The following RORA variants were observed in gnomAD, a reference collection of about 807,000 sequenced individuals.
The protein encoded by RORA is RAR related orphan receptor A.
Under a neutral mutation model 69.5 loss-of-function variants are expected in RORA, and 7 were observed. The ratio of observed to expected loss-of-function variants is 0.10; its 90% CI spans 0.06 to 0.19. The LOEUF (loss-of-function observed/expected upper bound fraction) is 0.19, where lower values mean the gene tolerates loss of function less well. RORA is among the 10% of genes least tolerant of loss of function. RORA has a pLI of 1.00. For synonymous variants in RORA, 261 were observed against 240.8 expected (o/e 1.08, Z -0.78); for missense variants, 457 against 663.0 (o/e 0.69, Z 3.41).
At chr15:60,675,230 G>A (rs902617840) in intron 2 of RORA, among the ~76,000 whole-genome samples, 5 of 152,186 alleles carry the variant, frequency 3.3e-5, no homozygotes, top group Admixed American at 6.5e-5. Flanking sequence ...AGCTGATTCC[G>A]AAAATGATAC....
At chr15:61,228,226 G>T (rs1275102097) in intron 1 of RORA, among the ~76,000 whole-genome samples, 1 of 152,120 alleles carries the variant, frequency 6.6e-6, no homozygotes, top group African/African-American at 2.4e-5. Context: ...TTTTGTAGAC[G>T]CTCCCTCCGG....
At chr15:60,725,575 C>A (rs1377462305) in intron 1 of RORA, among the ~76,000 whole-genome samples, 1 of 152,142 alleles carries the variant, frequency 6.6e-6, no homozygotes, top group South Asian at 2.1e-4. Flanking sequence ...TACAAACAAT[C>A]CAATTATAAT....
rs547477111 is a variant in RORA at position 60,657,345 on chromosome 15, C to A, written c.196+21312G>T. Among the ~76,000 whole-genome samples, 3 of 152,276 alleles carry A rather than the reference C, an allele frequency of 2.0e-5. No homozygotes were observed. In the South Asian group the frequency reaches 6.2e-4, roughly 32 times the overall value. ...ATGCCAATACCCCCCTGCCCCACCC[C>A]CTGGGGAAGCAGGCCCTCTCCATGA... is the stretch of plus-strand genomic sequence containing the variant. On this transcript the variant is annotated intron_variant, in intron 2 of 10. Coordinates refer to ENST00000335670, the MANE Select transcript of RORA (RefSeq NM_134261.3).
At chr15:60,819,765 A>ACACACACACACACACACG (rs1555455759) in intron 1 of RORA, among the ~76,000 whole-genome samples, 14 of 124,342 alleles carry the variant, frequency 1.1e-4, no homozygotes, top group African/African-American at 3.7e-4. Context: ...ACACACACAC[A>ACACACACACACACACACG]CACACACACA....
At chr15:60,536,524 A>G (rs1459080588) in intron 2 of RORA, among the ~76,000 whole-genome samples, 1 of 152,246 alleles carries the variant, frequency 6.6e-6, no homozygotes, top group African/African-American at 2.4e-5. Flanking sequence ...GTATGTTGCA[A>G]TAAGTTGCAG....
At chr15:60,845,695 A>T (rs1029781519) in intron 1 of RORA, among the ~76,000 whole-genome samples, 13 of 152,196 alleles carry the variant, frequency 8.5e-5, no homozygotes, top group Non-Finnish European at 2.9e-5. Flanking sequence ...TATATGAGTT[A>T]ATTCGCATTA....
intron 2 of RORA, among the ~76,000 whole-genome samples, chr15:60,671,019 C>T (rs1318949284): frequency 1.4e-5 from 2 of 146,772 alleles, no homozygotes; most frequent in South Asian, 2.1e-4. Context: ...GCTTAAACAT[C>T]CTCAAAATCT....
At chr15:61,084,492 T>C (rs2078593752) in intron 1 of RORA, among the ~76,000 whole-genome samples, 1 of 152,222 alleles carries the variant, frequency 6.6e-6, no homozygotes, top group Non-Finnish European at 1.5e-5. Context: ...TACCTAAATA[T>C]AGGAAATAGT....
At chr15:60,702,218 C>T (rs939589795) in intron 1 of RORA, among the ~76,000 whole-genome samples, 3 of 152,010 alleles carry the variant, frequency 2.0e-5, no homozygotes, top group Non-Finnish European at 4.4e-5. Flanking sequence ...GGTTGTAATT[C>T]GGCTTCAATG....
intron 1 of RORA, among the ~76,000 whole-genome samples, chr15:60,946,577 T>C (rs561155041): frequency 6.6e-6 from 1 of 152,220 alleles, no homozygotes; most frequent in Non-Finnish European, 1.5e-5. Context: ...GTGCTCAATG[T>C]TGCCCAGGCT....
intron 2 of RORA, among the ~76,000 whole-genome samples, chr15:60,612,661 G>GTTTTTTTTTT (rs71122864): frequency 5.6e-5 from 6 of 107,146 alleles, no homozygotes; most frequent in South Asian, 6.4e-4. Flanking sequence ...CTCTCTCTCT[G>GTTTTTTTTTT]TTTTTTTTTT....
At chr15:60,948,596 C>T (rs1197968784) in intron 1 of RORA, among the ~76,000 whole-genome samples, 3 of 152,138 alleles carry the variant, frequency 2.0e-5, no homozygotes, top group Non-Finnish European at 4.4e-5. Context: ...CACTTATGAC[C>T]CTACTGTGAC....
chr15:60,533,489 T>C (rs904046731), intron 2 of RORA, among the ~76,000 whole-genome samples: 12 of 152,042 alleles, frequency 7.9e-5, no homozygotes, highest in African/African-American at 2.7e-4. Flanking sequence ...AAAAATTCTT[T>C]ATGAAATATG....
In RORA at chr15:60,490,097, A is replaced by G. The variant is rs2065017330; in HGVS notation, c.*7358T>C. ...ATTTATATAATGATATTATGTATTT[A>G]AAGAGAAAAGCATGTCCCAAATCCA... On this transcript the variant is annotated 3_prime_UTR_variant, in exon 11 of 11. Coordinates refer to ENST00000335670, the MANE Select transcript of RORA (RefSeq NM_134261.3). The surrounding 1 kb of genome is among the most constrained non-coding windows in gnomAD (Gnocchi z 4.1). 6.6e-6 allele frequency: 1 copy of G among 151,748 alleles called. No individual in the cohort carries two copies. Among genetic ancestry groups the G allele is most frequent in the Admixed American group, 6.6e-5 (1 of 15,214 alleles). 9.4% of individuals were successfully genotyped at this position (151,748 alleles called of 1,614,324 possible).
chr15:61,013,806 G>A (rs1043014887), intron 1 of RORA, among the ~76,000 whole-genome samples: 4 of 128,570 alleles, frequency 3.1e-5, no homozygotes, highest in African/African-American at 1.2e-4. Flanking sequence ...TTTTTTTGGA[G>A]GGTGTCTCGC....
intron 1 of RORA, among the ~76,000 whole-genome samples, chr15:60,713,974 G>GT (rs2071181531): frequency 6.6e-6 from 1 of 152,052 alleles, no homozygotes; most frequent in African/African-American, 2.4e-5. Flanking sequence ...TGAGTGAACT[G>GT]TTCTCACTTG....
chr15:60,998,402 C>CT (rs35933156), intron 1 of RORA, among the ~76,000 whole-genome samples: 35,938 of 146,512 alleles, frequency 0.25, 5,199 homozygotes, highest in African/African-American at 0.42. Flanking sequence ...ATATTTCTTT[C>CT]TTTTTTTTTT....
intron 1 of RORA, among the ~76,000 whole-genome samples, chr15:61,109,231 T>C (rs543346625): frequency 1.3e-5 from 2 of 152,252 alleles, no homozygotes; most frequent in East Asian, 1.9e-4. Context: ...CCATAAGCAC[T>C]GTGCTAAGCA....
chr15:60,702,718 T>C (rs2071001384), intron 1 of RORA, among the ~76,000 whole-genome samples: 1 of 152,216 alleles, frequency 6.6e-6, no homozygotes, highest in Non-Finnish European at 1.5e-5. Context: ...GGTTGTCACA[T>C]GGTAGGTCCT....
Sources: allele counts gnomAD v4.1 joint callset (sites outside exome capture counted in the v4.1 genomes callset), GRCh38; gene constraint gnomAD v4.1.1; non-coding constraint Gnocchi (gnomAD v3.1); transcripts MANE v1.5; gene names NCBI Gene and HGNC (gene_info 2026-07-23, HGNC 2026-07-21).